The following ZNF704 variants were observed in gnomAD, a reference collection of about 807,000 sequenced individuals.
ZNF704 encodes zinc finger protein 704, also known as glucocorticoid induced gene 1.
In ZNF704, 10 loss-of-function variants were observed where a neutral mutation model predicts 44.7. The ratio of observed to expected loss-of-function variants is 0.22; its 90% CI spans 0.14 to 0.38. The LOEUF (loss-of-function observed/expected upper bound fraction) is 0.38, where lower values mean the gene tolerates loss of function less well. Ranked by LOEUF, ZNF704 falls within the 10% of genes least tolerant of loss-of-function variation. ZNF704 has a pLI of 1.00. For missense variants in ZNF704, 390 were observed against 545.5 expected, an observed-to-expected ratio of 0.71 and a Z score of 2.84; for synonymous variants, 211 against 207.6, an observed-to-expected ratio of 1.02 and a Z score of -0.14.
chr8:80,691,828 A>G (rs1818640388), intron 3 of ZNF704, among the ~76,000 whole-genome samples: 1 of 152,132 alleles, frequency 6.6e-6, no homozygotes, highest in Admixed American at 6.5e-5. Flanking sequence ...ACATTTGCCA[A>G]TACATCTCTT....
intron 8 of ZNF704, among the ~76,000 whole-genome samples, chr8:80,642,709 G>A (rs1319486908): frequency 6.6e-6 from 1 of 152,132 alleles, no homozygotes; most frequent in East Asian, 1.9e-4. Flanking sequence ...CTCTTGATCT[G>A]CATTAAAAAT....
intron 4 of ZNF704, among the ~76,000 whole-genome samples, chr8:80,678,521 T>C (rs554464722): frequency 4.6e-5 from 7 of 152,182 alleles, no homozygotes; most frequent in Non-Finnish European, 1.0e-4. Flanking sequence ...CCTATAACTT[T>C]GAGCCAATTC....
intron 7 of ZNF704, among the ~76,000 whole-genome samples, chr8:80,655,834 A>C (rs956368639): frequency 6.6e-6 from 1 of 152,204 alleles, no homozygotes; most frequent in Non-Finnish European, 1.5e-5. Context: ...AAGAAACCTC[A>C]AACCAGCTAA....
intron 1 of ZNF704, among the ~76,000 whole-genome samples, chr8:80,840,014 G>T (rs1808649554): frequency 6.6e-6 from 1 of 152,200 alleles, no homozygotes; most frequent in African/African-American, 2.4e-5. Flanking sequence ...AGCAAGTTTT[G>T]CTCAGTTTTG....
chr8:80,747,322 T>C (rs528359148), intron 2 of ZNF704, among the ~76,000 whole-genome samples: 13 of 152,034 alleles, frequency 8.6e-5, no homozygotes, highest in African/African-American at 3.1e-4. Flanking sequence ...TTCAAGCTAA[T>C]TGAAAAGCCC....
intron 2 of ZNF704, among the ~76,000 whole-genome samples, chr8:80,773,476 T>A (rs1398291403): frequency 6.6e-6 from 1 of 152,204 alleles, no homozygotes; most frequent in Non-Finnish European, 1.5e-5. Context: ...ATTACTACAG[T>A]TTTTGTTTCA....
intron 2 of ZNF704, 106 bp from the exon 3 acceptor site, chr8:80,693,213 G>A: frequency 1.1e-6 from 1 of 893,586 alleles, no homozygotes; most frequent in Non-Finnish European, 1.8e-6. Context: ...TTATCCCCAT[G>A]AACAACCGAT....
At chr8:80,685,559 CCT>C (rs1585951658) in intron 4 of ZNF704, among the ~76,000 whole-genome samples, 4 of 152,326 alleles carry the variant, frequency 2.6e-5, no homozygotes, top group Non-Finnish European at 5.9e-5. Context: ...CAAGTGCCAG[CCT>C]CTCTCCCCTA....
rs1359559590 is a variant in ZNF704 at position 80,670,537 on chromosome 8, C to T, written c.625G>A (p.Gly209Ser). The T allele has an allele frequency of 6.2e-7, 1 of 1,614,168 alleles. No individual in the cohort carries two copies. Among genetic ancestry groups the T allele is most frequent in the African/African-American group, 1.3e-5 (1 of 75,052 alleles). ...ATGGTTCGGATGTGTTTCTGGATAC[C>T]TGCTGCAGTGCTCAGCACCTTCCCA... is the stretch of plus-strand genomic sequence containing the variant. ...NCGKVLSTAA[G>S]IQKHIRTIHL... The change falls in exon 5 of 9, where the codon GGT (glycine) becomes AGT (serine). Residue 209 changes from glycine (G) to serine (S), a missense_variant. Physicochemically the swap from Gly to Ser is moderately conservative, Grantham distance 56. Transcript: ENST00000327835.
intron 4 of ZNF704, among the ~76,000 whole-genome samples, chr8:80,680,548 C>G (rs1818437299): frequency 6.6e-6 from 1 of 152,072 alleles, no homozygotes; most frequent in South Asian, 2.1e-4. Flanking sequence ...CTCATGAAAA[C>G]CCACACACCT....
At chr8:80,879,053 C>T (rs1246275851), upstream of ZNF704, among the ~76,000 whole-genome samples, 3 of 152,062 alleles carry the variant, frequency 2.0e-5, no homozygotes, top group African/African-American at 7.3e-5. Context: ...TAGTTAAGTC[C>T]CCTGATCTCT....
chr8:80,822,900 T>C (rs1052566261), intron 1 of ZNF704, among the ~76,000 whole-genome samples: 1 of 152,200 alleles, frequency 6.6e-6, no homozygotes, highest in African/African-American at 2.4e-5. Flanking sequence ...GGTTGTTTGA[T>C]GTTTTCTTGT....
At chr8:80,726,149 A>T (rs908984032) in intron 2 of ZNF704, among the ~76,000 whole-genome samples, 1 of 152,100 alleles carries the variant, frequency 6.6e-6, no homozygotes, top group South Asian at 2.1e-4. Flanking sequence ...AAATTAATAC[A>T]TATTTATTAG....
At chr8:80,699,272 CA>C (rs1387798040) in intron 2 of ZNF704, among the ~76,000 whole-genome samples, 1 of 152,050 alleles carries the variant, frequency 6.6e-6, no homozygotes, top group East Asian at 1.9e-4. Flanking sequence ...ATATAAAGCA[CA>C]AAACTTCATT....
intron 7 of ZNF704, among the ~76,000 whole-genome samples, chr8:80,654,424 T>G (rs1017479024): frequency 1.3e-5 from 2 of 151,880 alleles, no homozygotes; most frequent in Admixed American, 6.6e-5. Flanking sequence ...TGGGAGAAAA[T>G]TTTTGCAATT....
At chr8:80,860,492 C>A (rs1341300581) in intron 1 of ZNF704, among the ~76,000 whole-genome samples, 2 of 152,108 alleles carry the variant, frequency 1.3e-5, no homozygotes, top group Admixed American at 6.5e-5. Context: ...GTTGGTCTTT[C>A]TCCTGTTGTT....
At chr8:80,878,255 AGGAAGGAAGGAAG>A (rs1047088356), upstream of ZNF704, among the ~76,000 whole-genome samples, 1 of 19,666 alleles carries the variant, frequency 5.1e-5, no homozygotes, top group African/African-American at 1.6e-4. Context: ...AGAGAAAGAA[AGGAAGGAAGGAAG>A]GAAGGAAGGA....
intron 2 of ZNF704, among the ~76,000 whole-genome samples, chr8:80,783,362 T>C (rs1051058694): frequency 9.2e-5 from 14 of 152,178 alleles, no homozygotes; most frequent in African/African-American, 3.1e-4. Flanking sequence ...TACCTGTGCA[T>C]GATGTGGTGG....
intron 2 of ZNF704, among the ~76,000 whole-genome samples, chr8:80,793,465 G>T (rs1011670834): frequency 1.1e-4 from 17 of 152,082 alleles, no homozygotes; most frequent in African/African-American, 3.9e-4. Context: ...AGATATTCAT[G>T]AAATACATTC....
Sources: allele counts gnomAD v4.1 joint callset (sites outside exome capture counted in the v4.1 genomes callset), GRCh38; gene constraint gnomAD v4.1.1; transcripts MANE v1.5; gene names NCBI Gene and HGNC (gene_info 2026-07-23, HGNC 2026-07-21).